The following PPM1L variants were observed in gnomAD, a reference collection of about 807,000 sequenced individuals.
The protein encoded by PPM1L is protein phosphatase 1L.
In PPM1L, 13 loss-of-function variants were observed where a neutral mutation model predicts 31.4. The ratio of observed to expected loss-of-function variants is 0.41; its 90% CI spans 0.27 to 0.66. The LOEUF is 0.66. Ranked by LOEUF, PPM1L falls within the 30% of genes least tolerant of loss-of-function variation. The probability of loss-of-function intolerance (pLI) is 0.29; values close to 1 mark genes in which losing one functional copy is unlikely to be tolerated. For synonymous variants in PPM1L, 184 were observed against 175.4 expected (o/e 1.05, Z -0.39); for missense variants, 326 against 453.7 (o/e 0.72, Z 2.56).
chr3:160,818,620 G>A (rs777002444), intron 1 of PPM1L, among the ~76,000 whole-genome samples: 11 of 152,010 alleles, frequency 7.2e-5, no homozygotes, highest in Admixed American at 3.9e-4. Context: ...ACTTGATAGA[G>A]TCATTTTCAC....
chr3:160,836,764 A>G (rs1037562623), intron 1 of PPM1L, among the ~76,000 whole-genome samples: 10 of 152,168 alleles, frequency 6.6e-5, no homozygotes, highest in Non-Finnish European at 8.8e-5. Context: ...TTATTACTTA[A>G]AGTGATAACA....
intron 1 of PPM1L, among the ~76,000 whole-genome samples, chr3:160,782,951 A>T (rs1711790990): frequency 6.6e-6 from 1 of 152,168 alleles, no homozygotes; most frequent in African/African-American, 2.4e-5. Context: ...AAACTTTAAA[A>T]TTTTTGCCTT....
Position 160,832,885 on chromosome 3 carries a change from T to C in PPM1L, c.399+76178T>C, listed in dbSNP as rs144371033. 5.4e-3 allele frequency among the ~76,000 whole-genome samples: 825 copies of C among 152,246 alleles called. 4 individuals are homozygous for C. Among genetic ancestry groups the C allele is most frequent in the African/African-American group, 0.019 (780 of 41,546 alleles). On this transcript the variant is annotated intron_variant, in intron 1 of 3. Coordinates refer to ENST00000498165, the MANE Select transcript of PPM1L (RefSeq NM_139245.4). Reference sequence around the variant, plus strand: ...CATCCCCTAGATATTAAGCCCAGCATGCATTAGCTCTTTTTCCTAATGCTC... The same window carrying C: ...CATCCCCTAGATATTAAGCCCAGCACGCATTAGCTCTTTTTCCTAATGCTC...
intron 1 of PPM1L, among the ~76,000 whole-genome samples, chr3:160,843,386 A>C (rs1713951888): frequency 7.9e-6 from 1 of 126,772 alleles, no homozygotes; most frequent in Non-Finnish European, 1.7e-5. Flanking sequence ...ACTTTCTTAA[A>C]ACATTATGAT....
At chr3:160,914,087 C>T (rs769716971) in intron 1 of PPM1L, among the ~76,000 whole-genome samples, 1 of 152,144 alleles carries the variant, frequency 6.6e-6, no homozygotes. Context: ...CACATCTTTG[C>T]CAACACTTGG....
chr3:160,785,006 T>A (rs1711861963), intron 1 of PPM1L, among the ~76,000 whole-genome samples: 1 of 152,200 alleles, frequency 6.6e-6, no homozygotes, highest in Non-Finnish European at 1.5e-5. Flanking sequence ...ACTGGAAACT[T>A]TCTAAGCCTT....
At chr3:161,019,211 A>G (rs2108070463) in intron 2 of PPM1L, among the ~76,000 whole-genome samples, 1 of 145,960 alleles carries the variant, frequency 6.9e-6, no homozygotes, top group East Asian at 2.0e-4. Context: ...GTTTCTTGTT[A>G]GGAACAAGGT....
At chr3:160,959,722 A>G (rs1288404692) in intron 1 of PPM1L, among the ~76,000 whole-genome samples, 2 of 152,102 alleles carry the variant, frequency 1.3e-5, no homozygotes, top group Admixed American at 6.6e-5. Context: ...AGTCCTAGCT[A>G]CTCAGGAGGC....
At chr3:160,871,832 T>C (rs1410537409) in intron 1 of PPM1L, among the ~76,000 whole-genome samples, 3 of 152,018 alleles carry the variant, frequency 2.0e-5, no homozygotes, top group Non-Finnish European at 4.4e-5. Context: ...ATTTTTTCCT[T>C]ACTAAAGTAT....
At chr3:161,035,090 G>C (rs1718706788) in intron 2 of PPM1L, among the ~76,000 whole-genome samples, 1 of 151,076 alleles carries the variant, frequency 6.6e-6, no homozygotes, top group African/African-American at 2.4e-5. Flanking sequence ...GTCAGGGGGT[G>C]GGGGGCAAGG....
intron 2 of PPM1L, among the ~76,000 whole-genome samples, chr3:161,031,308 A>C (rs1443955543): frequency 6.6e-6 from 1 of 152,322 alleles, no homozygotes; most frequent in East Asian, 1.9e-4. Flanking sequence ...CCATGGGAAC[A>C]AACAATTGTT....
At chr3:160,898,731 C>G (rs1418003789) in intron 1 of PPM1L, among the ~76,000 whole-genome samples, 5 of 152,184 alleles carry the variant, frequency 3.3e-5, no homozygotes, top group Non-Finnish European at 7.3e-5. Context: ...AGACCTATCA[C>G]TGGGGCAATG....
intron 1 of PPM1L, among the ~76,000 whole-genome samples, chr3:160,803,415 A>G (rs181291837): frequency 6.7e-6 from 1 of 150,314 alleles, no homozygotes; most frequent in East Asian, 2.0e-4. Flanking sequence ...TCAAGAAAAA[A>G]TTAAAATGGT....
intron 2 of PPM1L, among the ~76,000 whole-genome samples, chr3:160,988,908 A>C (rs1717045485): frequency 6.6e-6 from 1 of 152,188 alleles, no homozygotes. Flanking sequence ...CATGAGCAAT[A>C]GATTTTAAAG....
At chr3:160,980,457 G>C (rs1576759489) in intron 2 of PPM1L, among the ~76,000 whole-genome samples, 1 of 151,950 alleles carries the variant, frequency 6.6e-6, no homozygotes, top group South Asian at 2.1e-4. Flanking sequence ...ACGGGGGATT[G>C]CTTGAGCTCA....
intron 3 of PPM1L, among the ~76,000 whole-genome samples, chr3:161,067,576 A>G (rs979190144): frequency 6.6e-6 from 1 of 152,242 alleles, no homozygotes; most frequent in Non-Finnish European, 1.5e-5. Context: ...AGCAAAGCCT[A>G]GCACTTTACA....
At chr3:161,032,617 G>A (rs946117839) in intron 2 of PPM1L, among the ~76,000 whole-genome samples, 1 of 152,040 alleles carries the variant, frequency 6.6e-6, no homozygotes, top group Non-Finnish European at 1.5e-5. Context: ...AGGAAGTAGA[G>A]GTGGCAGATT....
At chr3:160,902,808 A>C (rs1713590415) in intron 1 of PPM1L, among the ~76,000 whole-genome samples, 1 of 152,124 alleles carries the variant, frequency 6.6e-6, no homozygotes, top group African/African-American at 2.4e-5. Flanking sequence ...AGTTGTGGAC[A>C]TGCCTTTCTA....
At chr3:161,000,512 C>G (rs1276510897) in intron 2 of PPM1L, among the ~76,000 whole-genome samples, 4 of 151,946 alleles carry the variant, frequency 2.6e-5, no homozygotes, top group Non-Finnish European at 5.9e-5. Flanking sequence ...AACCAGTAAG[C>G]AAGGTCAGAT....
Sources: gnomAD v4.1 joint callset for allele counts (sites outside exome capture counted in the v4.1 genomes callset) on GRCh38, gnomAD v4.1.1 for gene constraint, MANE v1.5 for transcripts, NCBI Gene and HGNC (gene_info 2026-07-23, HGNC 2026-07-21) for gene names.